The following ATRNL1 variants were observed in gnomAD, a reference collection of about 807,000 sequenced individuals.
The protein encoded by ATRNL1 is attractin like 1, also known as attractin-like protein 1.
ATRNL1 carries 95 observed loss-of-function variants against 182.7 expected under a neutral mutation model. The observed-to-expected ratio is 0.52, with a 90% CI of 0.44 to 0.62. ATRNL1 has a LOEUF of 0.62. ATRNL1 is among the 20% of genes least tolerant of loss of function. ATRNL1 has a pLI of 0.00. For missense variants in ATRNL1, 1,471 were observed against 1,679.5 expected (o/e 0.88, Z 2.17); for synonymous variants, 576 against 568.3 (o/e 1.01, Z -0.19).
At chr10:115,801,885 G>GA (rs1429627667) in intron 27 of ATRNL1, among the ~76,000 whole-genome samples, 1 of 151,894 alleles carries the variant, frequency 6.6e-6, no homozygotes, top group Non-Finnish European at 1.5e-5. Context: ...AATTCATTGT[G>GA]AAACCTTCAG....
intron 17 of ATRNL1, among the ~76,000 whole-genome samples, chr10:115,304,287 A>G (rs1853621235): frequency 1.3e-5 from 2 of 152,156 alleles, no homozygotes; most frequent in South Asian, 4.1e-4. Flanking sequence ...TCCCAGCAGC[A>G]ATATTTATTT....
intron 27 of ATRNL1, among the ~76,000 whole-genome samples, chr10:115,756,183 T>A (rs1948585151): frequency 6.6e-6 from 1 of 151,520 alleles, no homozygotes; most frequent in Non-Finnish European, 1.5e-5. Context: ...TCTGCTCTGA[T>A]CTTATTTCTT....
At chr10:115,781,606 A>G (rs1262758966) in intron 27 of ATRNL1, among the ~76,000 whole-genome samples, 1 of 152,174 alleles carries the variant, frequency 6.6e-6, no homozygotes, top group African/African-American at 2.4e-5. Flanking sequence ...CAGTAACAGG[A>G]AAGACTCATC....
chr10:115,230,494 T>A (rs1171681399), intron 9 of ATRNL1, among the ~76,000 whole-genome samples: 1 of 152,132 alleles, frequency 6.6e-6, no homozygotes, highest in Non-Finnish European at 1.5e-5. Context: ...TAGTCGAATG[T>A]CTTGGAGTAA....
At chr10:115,558,706 C>T (rs1417838181) in intron 26 of ATRNL1, among the ~76,000 whole-genome samples, 1 of 152,176 alleles carries the variant, frequency 6.6e-6, no homozygotes, top group African/African-American at 2.4e-5. Context: ...TTTCTGCCCC[C>T]AGACCTTGGT....
chr10:115,794,202 C>G (rs1257001867), intron 27 of ATRNL1, among the ~76,000 whole-genome samples: 1 of 152,106 alleles, frequency 6.6e-6, no homozygotes, highest in Non-Finnish European at 1.5e-5. Flanking sequence ...TTTAAACAAT[C>G]ACAAATTTAC....
intron 26 of ATRNL1, among the ~76,000 whole-genome samples, chr10:115,608,801 C>T (rs1194243756): frequency 2.6e-5 from 4 of 151,744 alleles, no homozygotes; most frequent in Admixed American, 2.6e-4. Context: ...TTTGGCATTC[C>T]TCTGTTTTCG....
intron 21 of ATRNL1, among the ~76,000 whole-genome samples, chr10:115,455,381 G>A (rs1554968501): frequency 6.6e-6 from 1 of 152,150 alleles, no homozygotes; most frequent in African/African-American, 2.4e-5. Context: ...AACAAGCAAT[G>A]AGGAAAGGAT....
At chr10:115,807,075 C>G (rs1455706861) in intron 27 of ATRNL1, among the ~76,000 whole-genome samples, 2 of 151,324 alleles carry the variant, frequency 1.3e-5, no homozygotes, top group African/African-American at 4.9e-5. Flanking sequence ...ACCAGGAACT[C>G]CAATGAATGC....
At chr10:115,724,832 T>C (rs1947543823) in intron 26 of ATRNL1, among the ~76,000 whole-genome samples, 1 of 152,132 alleles carries the variant, frequency 6.6e-6, no homozygotes, top group South Asian at 2.1e-4. Flanking sequence ...GTTGCAAAGA[T>C]AATCACGATT....
chr10:115,207,850 T>C (rs561952832), intron 8 of ATRNL1, among the ~76,000 whole-genome samples: 2 of 152,014 alleles, frequency 1.3e-5, no homozygotes, highest in Non-Finnish European at 2.9e-5. Context: ...CCCATCCCGA[T>C]CTTGTGTGTA....
At chr10:115,253,838 A>C (rs542801197) in intron 10 of ATRNL1, among the ~76,000 whole-genome samples, 1 of 151,882 alleles carries the variant, frequency 6.6e-6, no homozygotes, top group African/African-American at 2.4e-5. Flanking sequence ...CCCTGTGTCC[A>C]AGTGATCTCA....
At chr10:115,935,290 A>G (rs1446442788) in intron 28 of ATRNL1, among the ~76,000 whole-genome samples, 2 of 152,234 alleles carry the variant, frequency 1.3e-5, no homozygotes, top group African/African-American at 2.4e-5. Flanking sequence ...TCCTGATAAA[A>G]TGATGCATAT....
At chr10:115,669,625 A>G (rs1239711502) in intron 26 of ATRNL1, among the ~76,000 whole-genome samples, 1 of 152,160 alleles carries the variant, frequency 6.6e-6, no homozygotes, top group Non-Finnish European at 1.5e-5. Flanking sequence ...CTTTCCAACA[A>G]AGCATTGCTT....
intron 19 of ATRNL1, among the ~76,000 whole-genome samples, chr10:115,391,734 G>A (rs1411438911): frequency 6.6e-6 from 1 of 151,724 alleles, no homozygotes; most frequent in African/African-American, 2.4e-5. Flanking sequence ...ATGTTTCTAT[G>A]AGAGATGAAC....
intron 27 of ATRNL1, among the ~76,000 whole-genome samples, chr10:115,837,583 T>C (rs1310036555): frequency 6.7e-6 from 1 of 150,248 alleles, no homozygotes; most frequent in African/African-American, 2.5e-5. Context: ...TATTTTTCTG[T>C]TTGCTGTATA....
At chr10:115,667,519 A>C (rs1465427848) in intron 26 of ATRNL1, among the ~76,000 whole-genome samples, 3 of 152,046 alleles carry the variant, frequency 2.0e-5, no homozygotes, top group Admixed American at 6.6e-5. Context: ...TCTTTTCTCT[A>C]TATATTACAG....
At chr10:115,660,507 G>A (rs1555037417) in intron 26 of ATRNL1, among the ~76,000 whole-genome samples, 1 of 152,082 alleles carries the variant, frequency 6.6e-6, no homozygotes, top group African/African-American at 2.4e-5. Flanking sequence ...GACCATTAAA[G>A]CAAAGGAGAT....
rs146635148 is a variant in ATRNL1, at chr10:115,431,899, G to A, written c.3322+5597G>A. On this transcript the variant is annotated intron_variant, in intron 21 of 28. Coordinates refer to ENST00000355044, the MANE Select transcript of ATRNL1 (RefSeq NM_207303.4). ...TTTGAGCCTTTAGTTTCTTTTATCT[G>A]CCAAAGGAGTAACTAGTTACCATTA... Among the ~76,000 whole-genome samples the A allele has an allele frequency of 2.0e-5, 3 of 151,410 alleles. No homozygotes were observed. In the East Asian group the frequency reaches 5.8e-4, roughly 29 times the overall value.
Sources: allele counts gnomAD v4.1 joint callset (sites outside exome capture counted in the v4.1 genomes callset), GRCh38; gene constraint gnomAD v4.1.1; transcripts MANE v1.5; gene names NCBI Gene and HGNC (gene_info 2026-07-23, HGNC 2026-07-21).